Variants in HPSE2 observed in about 807,000 individuals in gnomAD.
HPSE2 encodes the protein heparanase 2 (inactive).
In HPSE2, 38 loss-of-function variants were observed where a neutral mutation model predicts 60.5. That is an observed-to-expected ratio of 0.63 (90% CI 0.48 to 0.82). The LOEUF is 0.82. Ranked by LOEUF, HPSE2 falls within the 40% of genes least tolerant of loss-of-function variation. HPSE2 has a pLI of 0.00. For missense variants in HPSE2, 713 were observed against 740.4 expected (o/e 0.96, Z 0.43); for synonymous variants, 295 against 293.2 (o/e 1.01, Z -0.06).
chr10:98,508,786 G>C (rs1442568115), intron 9 of HPSE2, among the ~76,000 whole-genome samples: 2 of 152,188 alleles, frequency 1.3e-5, no homozygotes, highest in African/African-American at 4.8e-5. Context: ...AAGGAGTTTG[G>C]TGTGTTTGAG....
intron 9 of HPSE2, among the ~76,000 whole-genome samples, chr10:98,515,960 CA>C (rs1942588235): frequency 6.6e-6 from 1 of 152,204 alleles, no homozygotes; most frequent in Admixed American, 6.5e-5. Flanking sequence ...CCTGAACTCC[CA>C]AGTCCAGGTT....
rs1461918357 is a variant in HPSE2 at position 98,937,749 on chromosome 10, C to T, written c.611-193693G>A. ...GAAGAGAGCAGTGGTTCTCCCAGCA[C>T]GCAGCTGGAGATCTGAGAACGGGCA... On this transcript the variant is annotated intron_variant, in intron 3 of 11. Transcript: ENST00000370552. Among the ~76,000 whole-genome samples the T allele has an allele frequency of 2.6e-4, 37 of 140,894 alleles. 3 individuals carry two copies. The highest frequency in any genetic ancestry group is 5.6e-4 in the African/African-American group (19 of 33,820). 92.4% of individuals were successfully genotyped at this position (140,894 alleles called of 152,430 possible).
intron 2 of HPSE2, among the ~76,000 whole-genome samples, chr10:99,227,869 ATGTG>A (rs34836739): frequency 0.019 from 2,682 of 142,306 alleles, 54 homozygotes; most frequent in African/African-American, 0.052. Flanking sequence ...ATGTGTATAT[ATGTG>A]TGTGTGTGTG....
intron 9 of HPSE2, among the ~76,000 whole-genome samples, chr10:98,514,943 C>T (rs1464783494): frequency 1.3e-5 from 2 of 151,790 alleles, no homozygotes; most frequent in Admixed American, 6.6e-5. Flanking sequence ...AGACTGGTCT[C>T]GAGCTCCTGA....
intron 3 of HPSE2, among the ~76,000 whole-genome samples, chr10:98,950,568 T>C (rs1955327402): frequency 6.6e-6 from 1 of 152,234 alleles, no homozygotes. Context: ...TATTTCCTAA[T>C]GTCTCTGACC....
intron 3 of HPSE2, among the ~76,000 whole-genome samples, chr10:98,758,562 G>A (rs1949934079): frequency 6.6e-6 from 1 of 152,168 alleles, no homozygotes; most frequent in Non-Finnish European, 1.5e-5. Context: ...CATACACATG[G>A]CCCACAAGCA....
chr10:98,722,268 G>C (rs905297886), intron 4 of HPSE2, among the ~76,000 whole-genome samples: 3 of 150,020 alleles, frequency 2.0e-5, no homozygotes, highest in African/African-American at 7.4e-5. Context: ...TAAGAGAAAG[G>C]AGAAGGAAGT....
chr10:98,679,386 G>A (rs148508925), intron 6 of HPSE2, among the ~76,000 whole-genome samples: 56 of 152,198 alleles, frequency 3.7e-4, no homozygotes, highest in African/African-American at 1.2e-3. Flanking sequence ...AGTGCACAGC[G>A]GCATTTTCCA....
chr10:98,480,053 C>T (rs1471731311), intron 11 of HPSE2, among the ~76,000 whole-genome samples: 1 of 151,816 alleles, frequency 6.6e-6, no homozygotes, highest in Non-Finnish European at 1.5e-5. Context: ...TTAAGGATCC[C>T]TGTAGAATGA....
intron 6 of HPSE2, among the ~76,000 whole-genome samples, chr10:98,648,736 C>G (rs1946841287): frequency 6.6e-6 from 1 of 151,738 alleles, no homozygotes; most frequent in Non-Finnish European, 1.5e-5. Flanking sequence ...GAACGAGACT[C>G]TCTAAAAAAA....
chr10:98,798,582 G>T (rs1950833558), intron 3 of HPSE2, among the ~76,000 whole-genome samples: 1 of 152,096 alleles, frequency 6.6e-6, no homozygotes, highest in Non-Finnish European at 1.5e-5. Flanking sequence ...AAAATTGAGG[G>T]GATGAAGTTA....
At chr10:98,488,292 G>A (rs1258319403) in intron 10 of HPSE2, among the ~76,000 whole-genome samples, 2 of 152,196 alleles carry the variant, frequency 1.3e-5, no homozygotes, top group African/African-American at 4.8e-5. Flanking sequence ...CAAAGGGGAA[G>A]AAAGCTCTAA....
chr10:98,811,928 T>G (rs1951177195), intron 3 of HPSE2, among the ~76,000 whole-genome samples: 1 of 152,182 alleles, frequency 6.6e-6, no homozygotes, highest in Non-Finnish European at 1.5e-5. Context: ...AGTGTTCTAT[T>G]GTGAATAATA....
intron 2 of HPSE2, among the ~76,000 whole-genome samples, chr10:99,154,812 T>G (rs1478189120): frequency 1.3e-5 from 2 of 152,086 alleles, no homozygotes; most frequent in Non-Finnish European, 2.9e-5. Context: ...ACTGGCAAAT[T>G]GGATAAAGAG....
chr10:99,151,645 C>T (rs1374680306), intron 2 of HPSE2, among the ~76,000 whole-genome samples: 1 of 152,084 alleles, frequency 6.6e-6, no homozygotes, highest in African/African-American at 2.4e-5. Flanking sequence ...ACAAGTAATA[C>T]AATTAATGGC....
chr10:98,652,947 T>G (rs1169217880), intron 6 of HPSE2, among the ~76,000 whole-genome samples: 3 of 152,256 alleles, frequency 2.0e-5, no homozygotes, highest in Non-Finnish European at 2.9e-5. Context: ...TAGCTTCTTT[T>G]GTCTTCTTTC....
chr10:98,579,783 C>T (rs1477145116), intron 9 of HPSE2, among the ~76,000 whole-genome samples: 1 of 152,180 alleles, frequency 6.6e-6, no homozygotes, highest in Non-Finnish European at 1.5e-5. Context: ...CTCCACTTTA[C>T]AGTTTCTAAA....
intron 3 of HPSE2, among the ~76,000 whole-genome samples, chr10:98,980,468 T>A (rs1193330248): frequency 6.6e-6 from 1 of 152,154 alleles, no homozygotes; most frequent in African/African-American, 2.4e-5. Flanking sequence ...GGATGTCTCA[T>A]GGTCAGAGCA....
At chr10:98,530,968 C>A (rs1015587675) in intron 9 of HPSE2, among the ~76,000 whole-genome samples, 2 of 152,126 alleles carry the variant, frequency 1.3e-5, no homozygotes, top group African/African-American at 4.8e-5. Flanking sequence ...TTTCTCTACT[C>A]CCCTCCCTGC....
Sources: gnomAD v4.1 joint callset for allele counts (sites outside exome capture counted in the v4.1 genomes callset) on GRCh38, gnomAD v4.1.1 for gene constraint, MANE v1.5 for transcripts, NCBI Gene and HGNC (gene_info 2026-07-23, HGNC 2026-07-21) for gene names.